Variants in AKAP10 observed in about 807,000 individuals in gnomAD.
The protein encoded by AKAP10 is A-kinase anchoring protein 10, also known as A-kinase anchor protein 10, mitochondrial.
In AKAP10, 24 loss-of-function variants were observed where a neutral mutation model predicts 80.8. The ratio of observed to expected loss-of-function variants is 0.30; its 90% confidence interval spans 0.22 to 0.42. AKAP10 has a LOEUF of 0.42. Among genes scored for constraint, AKAP10 ranks in the 10% least tolerant of loss-of-function variants. The pLI, the probability that AKAP10 is intolerant of heterozygous loss-of-function variation, is 1.00. For synonymous variants in AKAP10, 291 were observed against 277.7 expected (o/e 1.05, Z -0.48); for missense variants, 661 against 794.9 (o/e 0.83, Z 2.03).
intron 3 of AKAP10, among the ~76,000 whole-genome samples, chr17:19,961,476 T>C (rs1057339287): frequency 5.9e-5 from 9 of 152,262 alleles, no homozygotes; most frequent in African/African-American, 1.9e-4. Context: ...CTGAGCTATA[T>C]GCATTTTGTC....
chr17:19,952,730 T>C (rs1431759471), intron 4 of AKAP10, among the ~76,000 whole-genome samples: 1 of 152,046 alleles, frequency 6.6e-6, no homozygotes, highest in African/African-American at 2.4e-5. Flanking sequence ...ACCCAGAAGA[T>C]ATCATCCTGA....
chr17:19,956,780 G>A (rs377057003), intron 4 of AKAP10, among the ~76,000 whole-genome samples: 22 of 152,140 alleles, frequency 1.4e-4, no homozygotes, highest in African/African-American at 4.8e-4. Context: ...CGAGGCAGGT[G>A]GGTCACTTGA....
chr17:19,946,227 T>TAAA lies in AKAP10; in HGVS notation c.976+1179_976+1180insTTT, dbSNP rs1567765372. ...ATTTTATATATATATATATTTTATATATATATATATTATATATATATATAT... is the reference window on the plus strand; with the variant it reads ...ATTTTATATATATATATATTTTATATAAAATATATATATTATATATATATATAT... On this transcript the variant is annotated intron_variant, in intron 5 of 14. Transcript: ENST00000225737. 2.8e-3 allele frequency among the ~76,000 whole-genome samples: 64 copies of TAAA among 22,476 alleles called. 2 individuals are homozygous for TAAA. The highest frequency in any genetic ancestry group is 4.4e-3 in the Non-Finnish European group (54 of 12,386). The allele number at this position is 22,476 out of a possible 152,430, so 14.7% of individuals were successfully genotyped here. A position where few individuals can be genotyped will look rare whatever the true frequency, so the allele number is the denominator to read the frequency against.
rs140025869 is a variant in AKAP10, at chr17:19,956,707, G to A, written c.877+1307C>T. 2.4e-3 allele frequency among the ~76,000 whole-genome samples: 369 copies of A among 152,182 alleles called. 4 individuals are homozygous for A. Among genetic ancestry groups the A allele is most frequent in the East Asian group, 9.5e-3 (49 of 5,176 alleles). On this transcript the variant is annotated intron_variant, in intron 4 of 14. Coordinates refer to ENST00000225737, the MANE Select transcript of AKAP10 (RefSeq NM_007202.4). ...TTCTCCCAGCTTACAGTAACTTTGCGATGAAAATAACATGCCGTCAGGTGT... is the reference window on the plus strand; with the variant it reads ...TTCTCCCAGCTTACAGTAACTTTGCAATGAAAATAACATGCCGTCAGGTGT...
At chr17:19,974,176 A>C (rs1172453158) in intron 1 of AKAP10, among the ~76,000 whole-genome samples, 1 of 152,272 alleles carries the variant, frequency 6.6e-6, no homozygotes, top group South Asian at 2.1e-4. Flanking sequence ...GAACGATAAG[A>C]GCGAAACTCC....
chr17:19,973,458 T>A (rs1423102009), intron 1 of AKAP10, among the ~76,000 whole-genome samples: 1 of 152,194 alleles, frequency 6.6e-6, no homozygotes, highest in Non-Finnish European at 1.5e-5. Context: ...AGGCAGGAAA[T>A]TATTTTTTGC....
chr17:19,943,030 T>C (rs2043065914), intron 5 of AKAP10, among the ~76,000 whole-genome samples: 1 of 152,118 alleles, frequency 6.6e-6, no homozygotes, highest in Non-Finnish European at 1.5e-5. Flanking sequence ...TAGCTGAGAC[T>C]ACAGACAAGA....
chr17:19,957,300 G>A (rs370977410), intron 4 of AKAP10, among the ~76,000 whole-genome samples: 68 of 152,216 alleles, frequency 4.5e-4, no homozygotes, highest in African/African-American at 1.6e-3. Flanking sequence ...CCAGCACTTT[G>A]GGAGGCCGAG....
intron 12 of AKAP10, among the ~76,000 whole-genome samples, chr17:19,915,026 G>A (rs982922860): frequency 6.6e-5 from 10 of 152,180 alleles, no homozygotes; most frequent in Non-Finnish European, 1.0e-4. Context: ...AAGCAATAAC[G>A]TATGCATAGG....
intron 4 of AKAP10, among the ~76,000 whole-genome samples, chr17:19,952,253 C>G (rs2043223789): frequency 6.6e-6 from 1 of 151,820 alleles, no homozygotes; most frequent in Non-Finnish European, 1.5e-5. Flanking sequence ...CACCTGAGGT[C>G]AGGAGTTCAA....
Position 19,936,391 on chromosome 17 carries a change from A to C in AKAP10, c.1362T>G (p.Asp454Glu), listed in dbSNP as rs201599371. The C allele has an allele frequency of 1.2e-6, 2 of 1,613,478 alleles. No homozygotes were observed. The highest frequency in any genetic ancestry group is 4.5e-5 in the East Asian group (2 of 44,870). Residue 454 changes from aspartate (D) to glutamate (E), a missense_variant, in exon 9 of 15, where the codon GAT becomes GAG. Asp to Glu is a conservative substitution (Grantham distance 45). Coordinates refer to ENST00000225737, the MANE Select transcript of AKAP10 (RefSeq NM_007202.4). ...ATTCAATTTCTAATCGTACAACATC[A>C]TCAAATCCAAGAGGATGTGTGGCTT... ...SLQATHPLGF[D>E]DVVRLEIESN...
Position 19,904,852 on chromosome 17 carries a change from A to T in AKAP10, c.*1375T>A, listed in dbSNP as rs1264414400. The T allele has an allele frequency of 6.6e-6, 1 of 152,064 alleles. No homozygotes were observed. Among genetic ancestry groups the T allele is most frequent in the Non-Finnish European group, 1.5e-5 (1 of 68,022 alleles). 9.4% of individuals were successfully genotyped at this position (152,064 alleles called of 1,614,324 possible). ...ACATGAATACTTCAGCTTTAAAAGA[A>T]TAACAGAGGTGGTACATAGTACCAA... On this transcript the variant is annotated 3_prime_UTR_variant, in exon 15 of 15. Transcript: ENST00000225737.
In AKAP10 at chr17:19,941,134, C is replaced by G. The variant is rs942287518; in HGVS notation, c.1062-124G>C. The G allele has an allele frequency of 7.2e-6, 7 of 977,594 alleles. No individual in the cohort carries two copies. The Admixed American group carries it at 2.2e-4, about 31-fold the overall frequency. 60.6% of individuals were successfully genotyped at this position (977,594 alleles called of 1,614,324 possible). On this transcript the variant is annotated intron_variant, in intron 6 of 14. Transcript: ENST00000225737. ...AGGCCTAGGTCAACACTACCTTACT[C>G]CCCATGGTGTCATTCCTGATTCCTT...
At chr17:19,972,933 T>C (rs2043517613) in intron 1 of AKAP10, among the ~76,000 whole-genome samples, 1 of 152,162 alleles carries the variant, frequency 6.6e-6, no homozygotes. Flanking sequence ...CTGGAATTTG[T>C]TTCTGCATCA....
intron 5 of AKAP10, among the ~76,000 whole-genome samples, chr17:19,946,237 TTATATATATA>T (rs1171891537): frequency 6.6e-4 from 10 of 15,172 alleles, no homozygotes; most frequent in South Asian, 2.3e-3. Flanking sequence ...TATATATATA[TTATATATATA>T]TATATATATA....
At chr17:19,959,099 C>T (rs1216137838) in intron 3 of AKAP10, among the ~76,000 whole-genome samples, 1 of 152,000 alleles carries the variant, frequency 6.6e-6, no homozygotes, top group African/African-American at 2.4e-5. Context: ...GCAATCCACC[C>T]ACCTCGGCCT....
At chr17:19,914,031 C>T (rs1237861787) in intron 12 of AKAP10, among the ~76,000 whole-genome samples, 2 of 152,186 alleles carry the variant, frequency 1.3e-5, no homozygotes, top group African/African-American at 4.8e-5. Context: ...CACATGGTCT[C>T]ACTCTGTCAC....
intron 12 of AKAP10, 106 bp downstream of exon 12, chr17:19,919,930 T>C (rs2042791995): frequency 2.3e-6 from 2 of 886,584 alleles, no homozygotes; most frequent in African/African-American, 1.7e-5. Flanking sequence ...AAAGATACAG[T>C]GGTTACTTTA....
chr17:19,946,273 A>ATT (rs2043127678), intron 5 of AKAP10, among the ~76,000 whole-genome samples: 1 of 19,808 alleles, frequency 5.0e-5, no homozygotes, highest in East Asian at 1.8e-3. Context: ...ATATATATAT[A>ATT]TATTTTTTTT....
Sources: allele counts gnomAD v4.1 joint callset (sites outside exome capture counted in the v4.1 genomes callset), GRCh38; gene constraint gnomAD v4.1.1; transcripts MANE v1.5; gene names NCBI Gene and HGNC (gene_info 2026-07-23, HGNC 2026-07-21).